The following EIF2AK3 variants were observed in gnomAD, a reference collection of about 807,000 sequenced individuals.
EIF2AK3 encodes the protein eukaryotic translation initiation factor 2 alpha kinase 3.
Under a neutral mutation model 113.5 loss-of-function variants are expected in EIF2AK3, and 50 were observed. That is an observed-to-expected ratio of 0.44 (90% CI 0.35 to 0.56). The LOEUF is 0.56. Among genes scored for constraint, EIF2AK3 ranks in the 20% least tolerant of loss-of-function variants. The pLI, the probability that EIF2AK3 is intolerant of heterozygous loss-of-function variation, is 0.00. For synonymous variants in EIF2AK3, 448 were observed against 495.4 expected, an observed-to-expected ratio of 0.90 and a Z score of 1.27; for missense variants, 1,185 against 1,378.0, an observed-to-expected ratio of 0.86 and a Z score of 2.22.
At chr2:88,588,668 C>G in intron 7 of EIF2AK3, 93 bp downstream of exon 7, 2 of 1,307,066 alleles carry the variant, frequency 1.5e-6, no homozygotes, top group Non-Finnish European at 1.1e-6. Flanking sequence ...TATAACAGTT[C>G]TTATCTCTGC....
chr2:88,622,053 T>C (rs1055031479), intron 1 of EIF2AK3, among the ~76,000 whole-genome samples: 3 of 151,982 alleles, frequency 2.0e-5, no homozygotes, highest in African/African-American at 7.3e-5. Flanking sequence ...TGTGCCACCA[T>C]GCCTGGCTAA....
Position 88,575,007 on chromosome 2 carries a change from G to C in EIF2AK3, c.2476C>G (p.Arg826Gly). 1.9e-6 allele frequency: 3 copies of C among 1,614,162 alleles called. No homozygotes were observed. The highest frequency in any genetic ancestry group is 2.5e-6 in the Non-Finnish European group (3 of 1,180,020). Residue 826 changes from arginine to glycine, a missense_variant, in exon 13 of 17, where the codon CGA (arginine) becomes GGA (glycine). Coordinates refer to ENST00000303236, the MANE Select transcript of EIF2AK3 (RefSeq NM_004836.7). ...ASSKEEPKTN[R>G]LHIGNHCANK... ...GCACAATGGTTGCCAATATGCAATCGATTAGTTTTCGGCTCTTCTTTACTG... is the reference window on the plus strand; with the variant it reads ...GCACAATGGTTGCCAATATGCAATCCATTAGTTTTCGGCTCTTCTTTACTG...
At chr2:88,561,322 C>T (rs555382966) in intron 15 of EIF2AK3, among the ~76,000 whole-genome samples, 8 of 150,148 alleles carry the variant, frequency 5.3e-5, no homozygotes, top group East Asian at 2.0e-4. Context: ...AGTGCAGTGG[C>T]GCGATCTCTG....
intron 5 of EIF2AK3, 50 bp from the exon 6 acceptor site, chr2:88,590,655 T>C (rs1379995037): frequency 1.3e-6 from 2 of 1,596,808 alleles, no homozygotes; most frequent in Non-Finnish European, 1.7e-6. Flanking sequence ...AGTAGTTATA[T>C]AGTTCCAACC....
intron 15 of EIF2AK3, among the ~76,000 whole-genome samples, chr2:88,561,636 C>T (rs903701122): frequency 6.6e-6 from 1 of 152,200 alleles, no homozygotes; most frequent in East Asian, 1.9e-4. Flanking sequence ...AGGAGGATCA[C>T]TTGAGCCCAG....
chr2:88,585,841 C>G lies in EIF2AK3; in HGVS notation c.1650G>C (p.Arg550Ser), dbSNP rs1254187256. The G allele has an allele frequency of 6.2e-7, 1 of 1,612,908 alleles. No homozygotes were observed. Among genetic ancestry groups the G allele is most frequent in the Non-Finnish European group, 8.5e-7 (1 of 1,179,208 alleles). Residue 550 changes from arginine (R) to serine (S), a missense_variant and splice_region_variant, in exon 9 of 17, where the codon AGG (arginine) becomes AGC (serine). Arg to Ser is a moderately radical substitution (Grantham distance 110). This residue lies in a region of EIF2AK3 where 877 missense variants were observed against 1,024.2 expected (regional missense o/e 0.86). Coordinates refer to ENST00000303236, the MANE Select transcript of EIF2AK3 (RefSeq NM_004836.7). ...VRRLFHPHPH[R>S]QRKESETQCQ... Reference sequence around the variant, plus strand: ...GACAGTAAGCAACCATGATTCTTACCCTGTGAGGATGAGGATGGAAAAGCC... The same window carrying G: ...GACAGTAAGCAACCATGATTCTTACGCTGTGAGGATGAGGATGGAAAAGCC...
At chr2:88,566,125 C>G (rs1389166061) in intron 14 of EIF2AK3, among the ~76,000 whole-genome samples, 1 of 152,114 alleles carries the variant, frequency 6.6e-6, no homozygotes, top group Non-Finnish European at 1.5e-5. Context: ...TACTGTTTCA[C>G]CAGTATCAAT....
At chr2:88,562,236 T>C (rs1673985173) in intron 15 of EIF2AK3, 53 bp downstream of exon 15, 3 of 1,431,410 alleles carry the variant, frequency 2.1e-6, no homozygotes, top group Non-Finnish European at 3.0e-6. Context: ...CTTTTGTAAA[T>C]GTTAGATTAT....
In EIF2AK3 at chr2:88,588,877, A is replaced by C. The variant is rs1218098381; in HGVS notation, c.1190T>G (p.Leu397Arg). 3 of 1,613,706 alleles carry C rather than the reference A, an allele frequency of 1.9e-6. No individual in the cohort carries two copies. The highest frequency in any genetic ancestry group is 2.5e-6 in the Non-Finnish European group (3 of 1,179,870). The change falls in exon 7 of 17, where the codon CTG becomes CGG. Residue 397 changes from leucine to arginine, a missense_variant. Transcript: ENST00000303236. ...TTCTGAAATTCTGACTGATGACTGC[A>C]GATACAGCTGGCCTCTATACATTCC... ...YLGMYRGQLY[L>R]QSSVRISEKF...
intron 2 of EIF2AK3, 186 bp from the exon 3 acceptor site, chr2:88,595,849 A>C: frequency 1.5e-6 from 1 of 683,342 alleles, no homozygotes; most frequent in Non-Finnish European, 2.6e-6. Context: ...CCATCAACCA[A>C]AAGTAATTTA....
At chr2:88,578,103 T>C (rs956777490) in intron 11 of EIF2AK3, among the ~76,000 whole-genome samples, 3 of 152,172 alleles carry the variant, frequency 2.0e-5, no homozygotes, top group Non-Finnish European at 2.9e-5. Flanking sequence ...CATATGAATA[T>C]TTAAACTACT....
At chr2:88,569,812 CAA>C (rs1674243461) in intron 14 of EIF2AK3, among the ~76,000 whole-genome samples, 1 of 152,170 alleles carries the variant, frequency 6.6e-6, no homozygotes, top group Admixed American at 6.5e-5. Flanking sequence ...GATATACTAT[CAA>C]AGACAAAATA....
At chr2:88,589,055 A>G (rs1418061371) in intron 6 of EIF2AK3, among the ~76,000 whole-genome samples, 154 bp from the exon 7 acceptor site, 10 of 152,196 alleles carry the variant, frequency 6.6e-5, no homozygotes, top group Admixed American at 6.5e-5. Flanking sequence ...GATAAACTCA[A>G]TGTTTATTCA....
intron 4 of EIF2AK3, 110 bp downstream of exon 4, chr2:88,593,162 G>A (rs1010116166): frequency 1.6e-6 from 2 of 1,287,956 alleles, no homozygotes; most frequent in Non-Finnish European, 2.2e-6. Context: ...ATATATATAT[G>A]CTTTTAAGGC....
intron 9 of EIF2AK3, among the ~76,000 whole-genome samples, chr2:88,585,041 A>G (rs1674685591): frequency 6.6e-6 from 1 of 152,138 alleles, no homozygotes; most frequent in Non-Finnish European, 1.5e-5. Flanking sequence ...AGCTAGAGTT[A>G]GGGTGTGGAG....
chr2:88,627,418 G>T lies in EIF2AK3; in HGVS notation c.-144C>A. On this transcript the variant is annotated 5_prime_UTR_variant, in exon 1 of 17. Transcript: ENST00000303236. ...CTGGACAGCCAGCCGTGTTCCCCTG[G>T]CCACGTCTCAGCCCGGCCTCTGCCG... is the stretch of plus-strand genomic sequence containing the variant. The T allele has an allele frequency of 1.9e-6, 2 of 1,059,694 alleles. No homozygotes were observed. The highest frequency in any genetic ancestry group is 2.5e-6 in the Non-Finnish European group (2 of 812,204). 65.6% of individuals were successfully genotyped at this position (1,059,694 alleles called of 1,614,324 possible). A position where few individuals can be genotyped will look rare whatever the true frequency, so the allele number is the denominator to read the frequency against.
chr2:88,581,292 T>G (rs1443529605), intron 10 of EIF2AK3, among the ~76,000 whole-genome samples: 2 of 152,114 alleles, frequency 1.3e-5, no homozygotes, highest in East Asian at 3.8e-4. Flanking sequence ...AATTCAATTT[T>G]GAGTATATTT....
At chr2:88,588,932 A>G in intron 6 of EIF2AK3, 31 bp from the exon 7 acceptor site, 1 of 1,610,144 alleles carries the variant, frequency 6.2e-7, no homozygotes, top group South Asian at 1.1e-5. Context: ...TCAATTATGC[A>G]TTGATTTTTT....
intron 10 of EIF2AK3, among the ~76,000 whole-genome samples, chr2:88,581,393 A>T (rs1468355194): frequency 6.6e-6 from 1 of 152,112 alleles, no homozygotes; most frequent in Non-Finnish European, 1.5e-5. Context: ...CTACTTGCCG[A>T]ACTCTCACAA....
Sources: allele counts gnomAD v4.1 joint callset (sites outside exome capture counted in the v4.1 genomes callset), GRCh38; gene constraint gnomAD v4.1.1; regional missense constraint gnomAD v4.1.1; transcripts MANE v1.5; gene names NCBI Gene and HGNC (gene_info 2026-07-23, HGNC 2026-07-21).